The following PAK6 variants were observed in gnomAD, a reference collection of about 807,000 sequenced individuals.
PAK6 encodes p21 (RAC1) activated kinase 6.
In PAK6, 33 loss-of-function variants were observed where a neutral mutation model predicts 60.8. That is an observed-to-expected ratio of 0.54 (90% CI 0.41 to 0.73). The LOEUF is 0.73. Ranked by LOEUF, PAK6 falls within the 30% of genes least tolerant of loss-of-function variation. PAK6 has a pLI of 0.00. For missense variants in PAK6, 845 were observed against 904.1 expected (o/e 0.93, Z 0.84); for synonymous variants, 404 against 378.5 (o/e 1.07, Z -0.78).
At chr15:40,259,892 C>A (rs1341807134) in intron 3 of PAK6, 1 of 151,470 alleles carries the variant, frequency 6.6e-6, no homozygotes. Context: ...AAGGAGATCA[C>A]CTGTAGCCCC....
chr15:40,254,796 C>T (rs764199757), intron 3 of PAK6, among the ~76,000 whole-genome samples: 8 of 152,216 alleles, frequency 5.3e-5, no homozygotes, highest in Admixed American at 2.6e-4. Flanking sequence ...AAACAGAGCT[C>T]GCAGTAGCTA....
exon 11 of PAK6, chr15:40,276,347 T>A: frequency 2.0e-6 from 1 of 506,362 alleles, no homozygotes; most frequent in East Asian, 3.2e-5. Context: ...CACAGGGATA[T>A]TTCTAAGAAA....
chr15:40,248,527 A>T (rs1595567875), intron 2 of PAK6, among the ~76,000 whole-genome samples: 1 of 152,212 alleles, frequency 6.6e-6, no homozygotes, highest in Admixed American at 6.5e-5. Context: ...CGACTGGGCC[A>T]TCTGGGTCTG....
intron 3 of PAK6, among the ~76,000 whole-genome samples, chr15:40,257,569 G>C (rs1005878113): frequency 6.6e-6 from 1 of 152,264 alleles, no homozygotes; most frequent in Admixed American, 6.5e-5. Context: ...CCAAAGAGGA[G>C]TTCTGGAAAT....
intron 3 of PAK6, among the ~76,000 whole-genome samples, chr15:40,254,178 T>C (rs1484925566): frequency 2.0e-5 from 3 of 152,176 alleles, no homozygotes; most frequent in Non-Finnish European, 4.4e-5. Flanking sequence ...TACAAACTTA[T>C]AAATGGCCTC....
chr15:40,258,765 T>C (rs2038905381), intron 3 of PAK6: 1 of 152,168 alleles, frequency 6.6e-6, no homozygotes, highest in Non-Finnish European at 1.5e-5. Context: ...AGCTTCCTTC[T>C]TGAACTGGTT....
chr15:40,241,461 C>G (rs1250429216), intron 2 of PAK6, among the ~76,000 whole-genome samples: 2 of 38,758 alleles, frequency 5.2e-5, no homozygotes, highest in African/African-American at 2.4e-4. Flanking sequence ...CACGGGAGCT[C>G]ATCTAGCTGG....
chr15:40,268,992 G>A (rs1486416456), intron 5 of PAK6, among the ~76,000 whole-genome samples: 1 of 152,216 alleles, frequency 6.6e-6, no homozygotes, highest in Non-Finnish European at 1.5e-5. Context: ...GAAGGCACTT[G>A]TCAAAGTGGT....
chr15:40,270,184 C>T (rs2039262382), intron 5 of PAK6, among the ~76,000 whole-genome samples: 1 of 152,174 alleles, frequency 6.6e-6, no homozygotes, highest in Non-Finnish European at 1.5e-5. Flanking sequence ...CACTTCCCTC[C>T]CTGTCCCTGC....
rs773817363 is a variant in PAK6, at chr15:40,264,247, ATAACT to A, written c.-5-532_-5-528del. Among the ~76,000 whole-genome samples, 255 of 152,326 alleles carry A rather than the reference ATAACT, an allele frequency of 1.7e-3. 1 individual carries two copies. The highest frequency in any genetic ancestry group is 1.2e-3 in the Non-Finnish European group (80 of 68,032). On this transcript the variant is annotated intron_variant, in intron 3 of 10. Coordinates refer to ENST00000560346, the Ensembl canonical transcript of PAK6. ...ATAAAAAAAAAAAGCCAACAAAAAAATAACTTTAATATACTGTTGGATTCAATTCG... is the reference window on the plus strand; with the variant it reads ...ATAAAAAAAAAAAGCCAACAAAAAAATTAATATACTGTTGGATTCAATTCG...
chr15:40,249,520 T>C (rs1443789306), intron 2 of PAK6, among the ~76,000 whole-genome samples: 5 of 152,344 alleles, frequency 3.3e-5, no homozygotes, highest in Admixed American at 1.3e-4. Flanking sequence ...CATGCCATCA[T>C]TGGCAGCCAT....
At chr15:40,275,753 A>C (rs1244820071) in intron 10 of PAK6, among the ~76,000 whole-genome samples, 174 bp from the exon 11 acceptor site, 1 of 152,026 alleles carries the variant, frequency 6.6e-6, no homozygotes, top group Non-Finnish European at 1.5e-5. Flanking sequence ...TGCCCCTTCC[A>C]CAGAGCTATA....
intron 3 of PAK6, among the ~76,000 whole-genome samples, chr15:40,257,696 G>A (rs1399521228): frequency 3.9e-5 from 6 of 152,162 alleles, no homozygotes; most frequent in Non-Finnish European, 8.8e-5. Context: ...CCTCTGTAGT[G>A]CCACCCTGCA....
chr15:40,263,828 G>C, intron 3 of PAK6: 1 of 443,354 alleles, frequency 2.3e-6, no homozygotes, highest in South Asian at 1.6e-5. Flanking sequence ...TGTTGGCCAA[G>C]CTGGTCTCAA....
At chr15:40,264,303 G>A (rs1021394254) in intron 3 of PAK6, 16 of 353,906 alleles carry the variant, frequency 4.5e-5, no homozygotes, top group East Asian at 2.3e-4. Context: ...TCATAGTTAC[G>A]TTCCTAAATG....
At chr15:40,255,744 G>A (rs2038816521) in intron 3 of PAK6, among the ~76,000 whole-genome samples, 1 of 152,148 alleles carries the variant, frequency 6.6e-6, no homozygotes, top group South Asian at 2.1e-4. Context: ...AAGGATCAGC[G>A]AGGGGACAGA....
At chr15:40,269,989 G>C (rs2039257466) in intron 5 of PAK6, among the ~76,000 whole-genome samples, 1 of 152,264 alleles carries the variant, frequency 6.6e-6, no homozygotes, top group Admixed American at 6.5e-5. Context: ...GCTTCAGGAT[G>C]AGAGGTCATC....
intron 2 of PAK6, among the ~76,000 whole-genome samples, chr15:40,248,749 G>A (rs1181857163): frequency 6.6e-6 from 1 of 152,130 alleles, no homozygotes; most frequent in Non-Finnish European, 1.5e-5. Context: ...CAGCCCTCTT[G>A]TGTCTCACGT....
chr15:40,274,224 C>A, exon 10 of PAK6: 6 of 1,613,578 alleles, frequency 3.7e-6, no homozygotes, highest in Non-Finnish European at 5.1e-6. Context: ...CCAGTGCAAG[C>A]CATGAAGAGG....
Sources: allele counts gnomAD v4.1 joint callset (sites outside exome capture counted in the v4.1 genomes callset), GRCh38; gene constraint gnomAD v4.1.1; transcripts MANE v1.5; gene names NCBI Gene and HGNC (gene_info 2026-07-23, HGNC 2026-07-21).